CCDC60: variants seen among roughly 807,000 people sequenced by gnomAD.
The protein encoded by CCDC60 is coiled-coil domain-containing protein 60.
In CCDC60, 54 loss-of-function variants were observed where a neutral mutation model predicts 63.5. The ratio of observed to expected loss-of-function variants is 0.85; its 90% confidence interval spans 0.68 to 1.07. The LOEUF is 1.07. Among genes scored for constraint, CCDC60 ranks in the 50% least tolerant of loss-of-function variants. The pLI is 0.00. For synonymous variants in CCDC60, 206 were observed against 238.8 expected, an observed-to-expected ratio of 0.86 and a Z score of 1.27; for missense variants, 651 against 684.3, an observed-to-expected ratio of 0.95 and a Z score of 0.54.
At chr12:119,370,971 G>T (rs1955891422) in intron 1 of CCDC60, among the ~76,000 whole-genome samples, 1 of 152,180 alleles carries the variant, frequency 6.6e-6, no homozygotes, top group African/African-American at 2.4e-5. Flanking sequence ...GGTTGAGGCT[G>T]CAGTGAGCCA....
intron 1 of CCDC60, among the ~76,000 whole-genome samples, chr12:119,365,081 G>A (rs1239765047): frequency 6.6e-6 from 1 of 152,204 alleles, no homozygotes; most frequent in African/African-American, 2.4e-5. Flanking sequence ...GAACACCTGT[G>A]AGAAGTATAC....
intron 1 of CCDC60, 62 bp downstream of exon 1, chr12:119,335,328 T>C (rs1444057274): frequency 8.1e-7 from 1 of 1,236,174 alleles, no homozygotes; most frequent in Admixed American, 2.2e-5. Context: ...AGGAATTAGC[T>C]GGGTCAAATG....
intron 11 of CCDC60, among the ~76,000 whole-genome samples, chr12:119,528,143 G>A (rs1952742939): frequency 6.6e-6 from 1 of 152,028 alleles, no homozygotes; most frequent in Non-Finnish European, 1.5e-5. Context: ...GGGTGACATG[G>A]TGATATTTAT....
rs564810138 is a variant in CCDC60 at position 119,516,436 on chromosome 12, G to T, written c.884-187G>T. ...CTGATGGGTTTTAAGCAGGGGCGTG[G>T]CATGGTCAGATTTGCAACATGCCCA... On this transcript the variant is annotated intron_variant, in intron 7 of 13. Transcript: ENST00000327554. 6.6e-5 allele frequency among the ~76,000 whole-genome samples: 10 copies of T among 152,292 alleles called. No homozygotes were observed. In the South Asian group the frequency reaches 2.1e-3, roughly 32 times the overall value.
chr12:119,504,494 G>C (rs1236399435), intron 6 of CCDC60, among the ~76,000 whole-genome samples: 1 of 152,048 alleles, frequency 6.6e-6, no homozygotes, highest in African/African-American at 2.4e-5. Flanking sequence ...CACTGCACCA[G>C]ACAAATCTGC....
Position 119,456,805 on chromosome 12 carries a change from C to T in CCDC60, c.171-15189C>T, listed in dbSNP as rs139391197. Among the ~76,000 whole-genome samples, 3 of 152,278 alleles carry T rather than the reference C, an allele frequency of 2.0e-5. No individual in the cohort carries two copies. The East Asian group carries it at 5.8e-4, about 29-fold the overall frequency. On this transcript the variant is annotated intron_variant, in intron 2 of 13. Transcript: ENST00000327554. The surrounding 1 kb of genome is among the most constrained non-coding windows in gnomAD (Gnocchi z 4.6). ...GCTGACAGGAGTGTAGCAGTGAGGA[C>T]GACCAGAGGTCACTCTTGTCGCCAT...
rs2285404 is a variant in CCDC60, at chr12:119,531,514, C to G, written c.1551+451C>G. On this transcript the variant is annotated intron_variant, in intron 13 of 13. Coordinates refer to ENST00000327554, the MANE Select transcript of CCDC60 (RefSeq NM_178499.5). ...CGTATGTAAGTTAGAAGGGATCTAC[C>G]TTAACTCAGGCAACTGGGAAGGTGA... 1.2e-3 allele frequency among the ~76,000 whole-genome samples: 187 copies of G among 152,236 alleles called. 2 individuals are homozygous for G. In the East Asian group the frequency reaches 0.027, roughly 22 times the overall value.
chr12:119,473,287 G>A (rs1308687035), intron 3 of CCDC60, among the ~76,000 whole-genome samples: 1 of 152,180 alleles, frequency 6.6e-6, no homozygotes, highest in Non-Finnish European at 1.5e-5. Flanking sequence ...AGGCAGCCAG[G>A]GAGGAAATGC....
chr12:119,459,183 C>T (rs1950809023), intron 2 of CCDC60, among the ~76,000 whole-genome samples: 1 of 152,214 alleles, frequency 6.6e-6, no homozygotes, highest in African/African-American at 2.4e-5. Context: ...GGAAAGAGTT[C>T]CTTTCAATAG....
intron 6 of CCDC60, among the ~76,000 whole-genome samples, chr12:119,504,776 G>T (rs771230516): frequency 2.6e-5 from 4 of 152,168 alleles, no homozygotes; most frequent in Admixed American, 6.5e-5. Context: ...AACACGTTTG[G>T]CTTCCTATGG....
chr12:119,480,980 CCAT>C (rs1321845518), intron 4 of CCDC60, among the ~76,000 whole-genome samples: 8 of 144,696 alleles, frequency 5.5e-5, no homozygotes, highest in Admixed American at 2.8e-4. Flanking sequence ...ATCATTATCA[CCAT>C]CATCATCACC....
At chr12:119,401,739 C>G (rs781585886) in intron 1 of CCDC60, among the ~76,000 whole-genome samples, 12 of 152,218 alleles carry the variant, frequency 7.9e-5, no homozygotes, top group Non-Finnish European at 1.2e-4. Context: ...ATTCAACCAT[C>G]ACATTTCTCT....
intron 12 of CCDC60, 112 bp from the exon 13 acceptor site, chr12:119,530,762 T>C (rs1039033303): frequency 2.8e-5 from 24 of 844,098 alleles, no homozygotes; most frequent in Non-Finnish European, 4.3e-5. Flanking sequence ...TAAAGAATAC[T>C]GCTGCCCTGG....
At chr12:119,453,665 C>G (rs945800942) in intron 2 of CCDC60, among the ~76,000 whole-genome samples, 1 of 152,156 alleles carries the variant, frequency 6.6e-6, no homozygotes, top group Non-Finnish European at 1.5e-5. Flanking sequence ...GTGCCACTTC[C>G]CAGAACTCTG....
Position 119,527,928 on chromosome 12 carries a change from TC to T in CCDC60, c.1230-684del, listed in dbSNP as rs558730526. Among the ~76,000 whole-genome samples the T allele has an allele frequency of 2.8e-4, 42 of 151,382 alleles. No homozygotes were observed. The South Asian group carries it at 6.5e-3, about 23-fold the overall frequency. The stretch of plus-strand genomic sequence containing the variant: ...GATCTCCTGACCTCATGATCCACCC[TC>T]CCAAAGTGCTGGGATTACAGGCATG... On this transcript the variant is annotated intron_variant, in intron 11 of 13. Coordinates refer to ENST00000327554, the MANE Select transcript of CCDC60 (RefSeq NM_178499.5).
intron 2 of CCDC60, among the ~76,000 whole-genome samples, chr12:119,468,308 T>TA (rs1566025549): frequency 1.7e-4 from 25 of 150,756 alleles, no homozygotes; most frequent in Admixed American, 3.3e-4. Context: ...TAAAAATTTT[T>TA]TAAAAAAAAG....
At chr12:119,396,755 C>T (rs1449386476) in intron 1 of CCDC60, among the ~76,000 whole-genome samples, 2 of 152,192 alleles carry the variant, frequency 1.3e-5, no homozygotes, top group Non-Finnish European at 2.9e-5. Context: ...CTGGTGTGTG[C>T]CTGTGGTCCT....
rs567787775 is a variant in CCDC60, at chr12:119,413,960, C to T, written c.91-14723C>T. ...TGCTTGTGGGTTCTTTTCTGGATGT[C>T]AGTTCCCCCTCCCTCACCTCTTCTC... is the stretch of plus-strand genomic sequence containing the variant. On this transcript the variant is annotated intron_variant, in intron 1 of 13. Coordinates refer to ENST00000327554, the MANE Select transcript of CCDC60 (RefSeq NM_178499.5). Among the ~76,000 whole-genome samples the T allele has an allele frequency of 5.3e-5, 8 of 152,202 alleles. No homozygotes were observed. The South Asian group carries it at 1.7e-3, about 32-fold the overall frequency.
chr12:119,515,773 T>C (rs1016954710), intron 7 of CCDC60, among the ~76,000 whole-genome samples: 2 of 152,232 alleles, frequency 1.3e-5, no homozygotes, highest in South Asian at 2.1e-4. Context: ...CATCTCAGAC[T>C]CCTTTCTAGG....
Sources: allele counts gnomAD v4.1 joint callset (sites outside exome capture counted in the v4.1 genomes callset), GRCh38; gene constraint gnomAD v4.1.1; non-coding constraint Gnocchi (gnomAD v3.1); transcripts MANE v1.5; gene names NCBI Gene and HGNC (gene_info 2026-07-23, HGNC 2026-07-21).